Variants in NLGN4X observed in about 807,000 individuals in gnomAD.
The protein encoded by NLGN4X is neuroligin-4, X-linked.
In NLGN4X, 3 loss-of-function variants were observed where a neutral mutation model predicts 40.3. The observed-to-expected ratio is 0.07, with a 90% CI of 0.03 to 0.19. NLGN4X has a LOEUF of 0.19. Among genes scored for constraint, NLGN4X ranks in the 10% least tolerant of loss-of-function variants. The pLI is 1.00. For missense variants in NLGN4X, 382 were observed against 708.3 expected (o/e 0.54, Z 5.23); for synonymous variants, 270 against 306.8 (o/e 0.88, Z 1.25).
chrX:6,053,592 T>C (rs1277145930), intron 2 of NLGN4X, among the ~76,000 whole-genome samples: 1 of 111,487 alleles, frequency 9.0e-6, no homozygotes, highest in Non-Finnish European at 1.9e-5. Flanking sequence ...GACTATGCAT[T>C]TCCATCCAGA....
At chrX:5,931,635 A>G (rs942685755) in intron 3 of NLGN4X, among the ~76,000 whole-genome samples, 5 of 111,671 alleles carry the variant, frequency 4.5e-5, no homozygotes, top group African/African-American at 1.6e-4. Context: ...CGTGGGAAAA[A>G]TAGTAATATA....
intron 5 of NLGN4X, among the ~76,000 whole-genome samples, chrX:5,894,201 G>A (rs1323540639): frequency 1.8e-5 from 2 of 111,994 alleles, no homozygotes; most frequent in African/African-American, 6.5e-5. Flanking sequence ...GAAGTTATCT[G>A]GACCCAAATG....
chrX:5,908,934 G>A (rs2032341474), intron 4 of NLGN4X, 120 bp downstream of exon 4: 1 of 775,488 alleles, frequency 1.3e-6, no homozygotes, highest in African/African-American at 2.1e-5. Context: ...GATCTTTTGG[G>A]CATTTTCTGT....
chrX:5,991,260 T>TC (rs887629771), intron 3 of NLGN4X, among the ~76,000 whole-genome samples: 2 of 110,109 alleles, frequency 1.8e-5, no homozygotes, highest in African/African-American at 3.3e-5. Flanking sequence ...TTTTTTTTTT[T>TC]CCCCCAAAGG....
chrX:6,013,692 G>A (rs961044021), intron 3 of NLGN4X, among the ~76,000 whole-genome samples: 1 of 109,578 alleles, frequency 9.1e-6, no homozygotes, highest in African/African-American at 3.3e-5. Context: ...AACCCCCTCT[G>A]TAAACAAATA....
rs987879369 is a variant in NLGN4X at position 6,029,205 on chromosome X, C to T, written c.625+75G>A. On this transcript the variant is annotated intron_variant, in intron 3 of 5. Transcript: ENST00000381095. ...ACTGGAATAACAGGATTCAAATCCA[C>T]GAGCCCCGTCAAAACGAGAAGTGGA... 18 of 1,100,864 alleles carry T rather than the reference C, an allele frequency of 1.6e-5. No homozygotes were observed. In the East Asian group the frequency reaches 4.2e-4, roughly 26 times the overall value. 90.7% of individuals were successfully genotyped at this position (1,100,864 alleles called of 1,213,427 possible). A position where few individuals can be genotyped will look rare whatever the true frequency, so the allele number is the denominator to read the frequency against.
chrX:6,032,876 A>G (rs1022527653), intron 2 of NLGN4X: 1 of 374,853 alleles, frequency 2.7e-6, no homozygotes, highest in African/African-American at 2.6e-5. Flanking sequence ...ATGTAACACA[A>G]AAAGTTGAAA....
chrX:6,142,452 T>C (rs1023033788), intron 2 of NLGN4X, among the ~76,000 whole-genome samples: 3 of 112,525 alleles, frequency 2.7e-5, no homozygotes, highest in Non-Finnish European at 5.6e-5. Context: ...CTTTATTTAA[T>C]AATCTTTCAT....
chrX:6,163,695 G>T (rs1057514808), intron 1 of NLGN4X, among the ~76,000 whole-genome samples: 1 of 111,664 alleles, frequency 9.0e-6, no homozygotes, highest in African/African-American at 3.3e-5. Context: ...AGCATAGAGG[G>T]GGTAAGCATT....
intron 1 of NLGN4X, among the ~76,000 whole-genome samples, chrX:6,202,062 G>C (rs1004641463): frequency 3.6e-5 from 4 of 110,900 alleles, no homozygotes; most frequent in Non-Finnish European, 7.5e-5. Flanking sequence ...TAGAAGAATA[G>C]ATTTGAGGAA....
At chrX:6,163,174 A>G (rs1335026415) in intron 1 of NLGN4X, among the ~76,000 whole-genome samples, 1 of 111,747 alleles carries the variant, frequency 8.9e-6, no homozygotes, top group African/African-American at 3.3e-5. Context: ...AGTCCATTAA[A>G]TCTCTTTTTC....
chrX:6,214,743 A>G (rs1924916804), intron 1 of NLGN4X, among the ~76,000 whole-genome samples: 2 of 111,750 alleles, frequency 1.8e-5, no homozygotes. Flanking sequence ...AAAGAAAAAT[A>G]TGTGTATAGA....
intron 1 of NLGN4X, among the ~76,000 whole-genome samples, chrX:6,195,499 A>G (rs191516226): frequency 1.7e-3 from 197 of 112,731 alleles, no homozygotes; most frequent in African/African-American, 5.8e-3. Flanking sequence ...GGAAGAAAAA[A>G]TAAAGTTTTG....
At chrX:6,056,407 C>T (rs1046963598) in intron 2 of NLGN4X, among the ~76,000 whole-genome samples, 3 of 108,928 alleles carry the variant, frequency 2.8e-5, no homozygotes, top group Non-Finnish European at 5.7e-5. Context: ...ACCTGGGAGG[C>T]GGAGGTTGTA....
chrX:6,016,626 T>C (rs1399359540), intron 3 of NLGN4X, among the ~76,000 whole-genome samples: 1 of 111,435 alleles, frequency 9.0e-6, no homozygotes, highest in Non-Finnish European at 1.9e-5. Context: ...ATATCCCCAA[T>C]CAAGAAAAAT....
At chrX:6,010,513 T>TTTATTATTATTATTATTATATTA in intron 3 of NLGN4X, among the ~76,000 whole-genome samples, 1 of 95,389 alleles carries the variant, frequency 1.0e-5, no homozygotes, top group East Asian at 3.4e-4. Context: ...TTCTTTTTAT[T>TTTATTATTATTATTATTATATTA]TTATTATTAT....
chrX:6,010,069 T>C, intron 3 of NLGN4X, among the ~76,000 whole-genome samples: 1 of 112,323 alleles, frequency 8.9e-6, no homozygotes, highest in South Asian at 3.7e-4. Context: ...CTGCTAACCA[T>C]GAATAAGAGG....
intron 1 of NLGN4X, among the ~76,000 whole-genome samples, chrX:6,189,336 G>A (rs967178977): frequency 2.7e-5 from 3 of 111,599 alleles, no homozygotes; most frequent in Non-Finnish European, 5.6e-5. Flanking sequence ...TACAATGTAG[G>A]AAATTCCAAC....
At chrX:6,012,141 A>G (rs2036269543) in intron 3 of NLGN4X, among the ~76,000 whole-genome samples, 1 of 112,683 alleles carries the variant, frequency 8.9e-6, no homozygotes, top group Non-Finnish European at 1.9e-5. Context: ...CAGAGGGAAA[A>G]GACAGAAAGA....
Sources: allele counts gnomAD v4.1 joint callset (sites outside exome capture counted in the v4.1 genomes callset), GRCh38; gene constraint gnomAD v4.1.1; transcripts MANE v1.5; gene names NCBI Gene and HGNC (gene_info 2026-07-23, HGNC 2026-07-21).